Variants in DCT observed in about 807,000 individuals in gnomAD.
The protein encoded by DCT is dopachrome tautomerase.
DCT carries 47 observed loss-of-function variants against 53.0 expected under a neutral mutation model. The ratio of observed to expected loss-of-function variants is 0.89; its 90% CI spans 0.70 to 1.13. DCT has a LOEUF of 1.13. DCT is among the 50% of genes most tolerant of loss of function. The pLI, the probability that DCT is intolerant of heterozygous loss-of-function variation, is 0.00. For missense variants in DCT, 669 were observed against 637.4 expected (o/e 1.05, Z -0.53); for synonymous variants, 244 against 237.0 (o/e 1.03, Z -0.27).
At chr13:94,494,018 AT>A in the DCT span, among the ~76,000 whole-genome samples, 3 of 152,254 alleles carry the variant, frequency 2.0e-5, no homozygotes, top group African/African-American at 4.8e-5. Flanking sequence ...AAGGCTATTA[AT>A]TTTTTTAAAT....
At chr13:94,543,174 T>A in the DCT span, among the ~76,000 whole-genome samples, 1 of 152,132 alleles carries the variant, frequency 6.6e-6, no homozygotes, top group Admixed American at 6.5e-5. Context: ...CACTAACTCA[T>A]CACAGCCGCA....
intron 5 of DCT, among the ~76,000 whole-genome samples, chr13:94,460,708 C>T (rs1883724596): frequency 6.6e-6 from 1 of 151,896 alleles, no homozygotes; most frequent in African/African-American, 2.4e-5. Flanking sequence ...TACAATTAGC[C>T]ATGATTGTGC....
the DCT span, among the ~76,000 whole-genome samples, chr13:94,518,294 C>A: frequency 5.3e-5 from 8 of 152,096 alleles, no homozygotes; most frequent in Admixed American, 3.3e-4. Flanking sequence ...TATCTGGGAA[C>A]CTCAGTTGAA....
Position 94,437,295 on chromosome 13 carries a change from GACAA to G in DCT, c.*2599_*2602del, listed in dbSNP as rs1271988732. ...ACTTAAAAAACAATAATCCTCAAAA[GACAA>G]ACAATAATCTGCAAAACAACATTTA... On this transcript the variant is annotated 3_prime_UTR_variant, in exon 8 of 8. Coordinates refer to ENST00000377028, the MANE Select transcript of DCT (RefSeq NM_001922.5). 1 of 152,064 alleles carries G rather than the reference GACAA, an allele frequency of 6.6e-6. No individual in the cohort carries two copies. Among genetic ancestry groups the G allele is most frequent in the African/African-American group, 2.4e-5 (1 of 41,394 alleles). 9.4% of individuals were successfully genotyped at this position (152,064 alleles called of 1,614,324 possible). A position where few individuals can be genotyped will look rare whatever the true frequency, so the allele number is the denominator to read the frequency against.
At chr13:94,549,046 G>A in the DCT span, among the ~76,000 whole-genome samples, 1 of 152,176 alleles carries the variant, frequency 6.6e-6, no homozygotes, top group African/African-American at 2.4e-5. Flanking sequence ...ATGCGTCGGG[G>A]AGCTGTAAAG....
chr13:94,439,797 G>T lies in DCT; in HGVS notation c.*101C>A. The stretch of plus-strand genomic sequence containing the variant: ...TCACTATAGAAGAACCTATGTCAAA[G>T]ATCTTCAACTCAAGAAGGAACAGTG... On this transcript the variant is annotated 3_prime_UTR_variant, in exon 8 of 8. Coordinates refer to ENST00000377028, the MANE Select transcript of DCT (RefSeq NM_001922.5). 1.1e-6 allele frequency: 1 copy of T among 873,780 alleles called. No homozygotes were observed. The highest frequency in any genetic ancestry group is 1.8e-6 in the Non-Finnish European group (1 of 566,094). The allele number at this position is 873,780 out of a possible 1,614,324, so 54.1% of individuals were successfully genotyped here. A position where few individuals can be genotyped will look rare whatever the true frequency, so the allele number is the denominator to read the frequency against.
chr13:94,517,511 C>T, the DCT span, among the ~76,000 whole-genome samples: 1 of 152,228 alleles, frequency 6.6e-6, no homozygotes, highest in Non-Finnish European at 1.5e-5. Context: ...CATCCTTCCA[C>T]TTCCCTTGAT....
At chr13:94,458,670 C>T (rs781649859) in intron 6 of DCT, among the ~76,000 whole-genome samples, 1 of 151,784 alleles carries the variant, frequency 6.6e-6, no homozygotes, top group Non-Finnish European at 1.5e-5. Context: ...GGCGTGGTGG[C>T]GTGCAACTGT....
chr13:94,532,952 A>G, the DCT span, among the ~76,000 whole-genome samples: 4,327 of 152,232 alleles, frequency 0.028, 214 homozygotes, highest in African/African-American at 0.099. Flanking sequence ...ATGACAAAAA[A>G]TATTTATTTG....
the DCT span, among the ~76,000 whole-genome samples, chr13:94,543,287 G>A: frequency 3.3e-5 from 5 of 152,156 alleles, no homozygotes; most frequent in African/African-American, 4.8e-5. Context: ...CTACCCCTGC[G>A]CACACCTCAT....
chr13:94,504,843 A>G, the DCT span, among the ~76,000 whole-genome samples: 2 of 152,192 alleles, frequency 1.3e-5, no homozygotes, highest in African/African-American at 4.8e-5. Flanking sequence ...TGTGTGAAAA[A>G]TAAGAAATGA....
rs1392015223 is a variant in DCT, at chr13:94,468,903, A to T, written c.438T>A (p.Asp146Glu). Residue 146 changes from aspartate (D) to glutamate (E), a missense_variant, in exon 2 of 8, where the codon GAT (aspartate) becomes GAA (glutamate). Transcript: ENST00000377028. The stretch of plus-strand genomic sequence containing the variant: ...CGGGGTGTACTCTCTTCTTCGCGAG[A>T]TCTAAGGCGCCCAAGAACTGCTCTC... ...QEREQFLGAL[D>E]LAKKRVHPDY... 3 of 1,614,032 alleles carry T rather than the reference A, an allele frequency of 1.9e-6. No homozygotes were observed. The highest frequency in any genetic ancestry group is 2.5e-6 in the Non-Finnish European group (3 of 1,180,016).
the DCT span, among the ~76,000 whole-genome samples, chr13:94,496,087 C>G: frequency 6.6e-6 from 1 of 152,140 alleles, no homozygotes; most frequent in African/African-American, 2.4e-5. Context: ...GTTACCCAGC[C>G]CTTTCTTCTG....
chr13:94,533,741 C>T, the DCT span, among the ~76,000 whole-genome samples: 7,284 of 152,132 alleles, frequency 0.048, 279 homozygotes, highest in African/African-American at 0.11. Context: ...GCCAATATCA[C>T]TGCACTCTAC....
In DCT at chr13:94,452,885, A is replaced by G. The variant is rs1468767792; in HGVS notation, c.1179+7206T>C. 3.9e-5 allele frequency among the ~76,000 whole-genome samples: 6 copies of G among 152,274 alleles called. No individual in the cohort carries two copies. In the East Asian group the frequency reaches 1.2e-3, roughly 29 times the overall value. On this transcript the variant is annotated intron_variant, in intron 6 of 7. Coordinates refer to ENST00000377028, the MANE Select transcript of DCT (RefSeq NM_001922.5). ...CTACCATGTAGATAAATATATAAAC[A>G]TATTTGTTTGTGTATTTATAAAATA...
At chr13:94,521,079 C>G in the DCT span, among the ~76,000 whole-genome samples, 10 of 152,170 alleles carry the variant, frequency 6.6e-5, no homozygotes, top group Admixed American at 1.3e-4. Flanking sequence ...ACAGGCAGAC[C>G]TGGGTAATAG....
chr13:94,448,046 G>A (rs1028414443), intron 6 of DCT, among the ~76,000 whole-genome samples: 9 of 152,082 alleles, frequency 5.9e-5, no homozygotes, highest in Admixed American at 3.9e-4. Context: ...CCAGGAGTTC[G>A]AGACCAGCCC....
chr13:94,488,286 A>G, the DCT span, among the ~76,000 whole-genome samples: 2 of 152,166 alleles, frequency 1.3e-5, no homozygotes, highest in Non-Finnish European at 2.9e-5. Flanking sequence ...AATCCAGAAA[A>G]TACCACCTAT....
chr13:94,484,768 G>A, the DCT span, among the ~76,000 whole-genome samples: 2 of 151,988 alleles, frequency 1.3e-5, no homozygotes, highest in Non-Finnish European at 2.9e-5. Context: ...CCATCCTGAC[G>A]ACTTCATTTT....
Sources: gnomAD v4.1 joint callset for allele counts (sites outside exome capture counted in the v4.1 genomes callset) on GRCh38, gnomAD v4.1.1 for gene constraint, MANE v1.5 for transcripts, NCBI Gene and HGNC (gene_info 2026-07-23, HGNC 2026-07-21) for gene names.